Variants in SIPA1L3 observed in about 807,000 individuals in gnomAD.
The protein encoded by SIPA1L3 is signal-induced proliferation-associated 1-like protein 3.
A neutral mutation model predicts 150.1 loss-of-function variants in SIPA1L3; 59 were observed. The observed-to-expected ratio is 0.39, with a 90% CI of 0.32 to 0.49. SIPA1L3 has a LOEUF of 0.49. Among genes scored for constraint, SIPA1L3 ranks in the 20% least tolerant of loss-of-function variants. The probability of loss-of-function intolerance (pLI) is 0.86; values close to 1 mark genes in which losing one functional copy is unlikely to be tolerated. For missense variants in SIPA1L3, 2,211 were observed against 2,489.5 expected, an observed-to-expected ratio of 0.89 and a Z score of 2.38; for synonymous variants, 1,070 against 1,077.6, an observed-to-expected ratio of 0.99 and a Z score of 0.14.
At chr19:37,985,199 T>G (rs1967315975) in intron 1 of SIPA1L3, among the ~76,000 whole-genome samples, 2 of 134,594 alleles carry the variant, frequency 1.5e-5, no homozygotes, top group Admixed American at 1.5e-4. Flanking sequence ...TGTTTTTTTC[T>G]TTTTTTTTTT....
Position 38,141,407 on chromosome 19 carries a change from C to T in SIPA1L3, c.3367C>T (p.Arg1123Trp), listed in dbSNP as rs375683217. 1.7e-5 allele frequency: 28 copies of T among 1,611,642 alleles called. No individual in the cohort carries two copies. Among genetic ancestry groups the T allele is most frequent in the Middle Eastern group, 1.6e-4 (1 of 6,080 alleles). Residue 1123 changes from arginine to tryptophan, a missense_variant, in exon 11 of 22, where the codon CGG (arginine) becomes TGG (tryptophan). Coordinates refer to ENST00000222345, the MANE Select transcript of SIPA1L3 (RefSeq NM_015073.3). ...PLKQTPIVPF[R>W]ESQPLHSKRP... ...GAAGCAGACCCCCATAGTCCCCTTC[C>T]GGGAGTCCCAGCCACTGCACAGCAA...
chr19:38,100,199 A>G (rs764148288), intron 5 of SIPA1L3, 49 bp downstream of exon 5: 1 of 1,362,744 alleles, frequency 7.3e-7, no homozygotes. Context: ...GTACCTTGCA[A>G]CCCCACTCCT....
intron 1 of SIPA1L3, among the ~76,000 whole-genome samples, chr19:38,022,034 G>A (rs1968382929): frequency 6.6e-6 from 1 of 152,240 alleles, no homozygotes; most frequent in Non-Finnish European, 1.5e-5. Context: ...GAAGGAGACA[G>A]AGTTCAAGGC....
intron 10 of SIPA1L3, among the ~76,000 whole-genome samples, chr19:38,137,929 G>C (rs1568570420): frequency 6.6e-6 from 1 of 152,026 alleles, no homozygotes; most frequent in Non-Finnish European, 1.5e-5. Context: ...TCAGGAGTTT[G>C]AGACCAGCCT....
chr19:38,082,715 CT>C lies in SIPA1L3; in HGVS notation c.1151del (p.Leu384ProfsTer22). The C allele has an allele frequency of 1.2e-6, 2 of 1,611,346 alleles. No homozygotes were observed. The highest frequency in any genetic ancestry group is 1.7e-6 in the Non-Finnish European group (2 of 1,179,204). ...AASAASAMAS[L>X]TASRAHSLGG... ...TTCCGCCGCCTCGGCCATGGCCTCCCTCACGGCCTCGCGGGCCCACAGCCTC... is the reference window on the plus strand; with the variant it reads ...TTCCGCCGCCTCGGCCATGGCCTCCCCACGGCCTCGCGGGCCCACAGCCTC... On this transcript the variant is annotated frameshift_variant, in exon 3 of 22. Coordinates refer to ENST00000222345, the MANE Select transcript of SIPA1L3 (RefSeq NM_015073.3). LOFTEE classifies it high-confidence loss of function.
At chr19:38,131,340 C>T (rs1470411354) in intron 10 of SIPA1L3, among the ~76,000 whole-genome samples, 5 of 152,188 alleles carry the variant, frequency 3.3e-5, no homozygotes, top group Non-Finnish European at 7.3e-5. Context: ...GAAGGCTCCA[C>T]GAGGCTCCAC....
chr19:38,084,915 C>T (rs1036462443), intron 3 of SIPA1L3, among the ~76,000 whole-genome samples: 1 of 152,072 alleles, frequency 6.6e-6, no homozygotes, highest in Non-Finnish European at 1.5e-5. Flanking sequence ...GTTGGGATTA[C>T]AGGCGTGAGC....
chr19:38,187,585 C>T (rs1229346123), intron 16 of SIPA1L3, among the ~76,000 whole-genome samples: 2 of 151,040 alleles, frequency 1.3e-5, no homozygotes, highest in African/African-American at 2.4e-5. Context: ...GGCGAGGTGG[C>T]GGGCGCCTGT....
chr19:38,124,421 G>A (rs1176169143), intron 9 of SIPA1L3, among the ~76,000 whole-genome samples: 273 of 151,036 alleles, frequency 1.8e-3, no homozygotes, highest in Non-Finnish European at 3.2e-3. Context: ...GGGCAGAGAC[G>A]TTCCTCACTT....
At chr19:38,061,882 T>G (rs771308023) in intron 2 of SIPA1L3, among the ~76,000 whole-genome samples, 27 of 143,404 alleles carry the variant, frequency 1.9e-4, no homozygotes, top group Admixed American at 1.3e-3. Context: ...TTGAGTTTTG[T>G]TTTTTTTTTT....
At chr19:38,191,949 C>T (rs1972813740) in intron 16 of SIPA1L3, among the ~76,000 whole-genome samples, 196 bp from the exon 17 acceptor site, 1 of 152,194 alleles carries the variant, frequency 6.6e-6, no homozygotes, top group African/African-American at 2.4e-5. Flanking sequence ...GCACAGCCAG[C>T]TCTGTGTGGT....
chr19:38,165,821 G>C (rs1370795715), intron 15 of SIPA1L3, among the ~76,000 whole-genome samples: 1 of 152,194 alleles, frequency 6.6e-6, no homozygotes, highest in Non-Finnish European at 1.5e-5. Flanking sequence ...GAGTGCAGTG[G>C]TGCGGTCTCA....
At chr19:38,090,751 G>A (rs1374295522) in intron 4 of SIPA1L3, among the ~76,000 whole-genome samples, 1 of 152,218 alleles carries the variant, frequency 6.6e-6, no homozygotes, top group Non-Finnish European at 1.5e-5. Flanking sequence ...GGCTGCCAAG[G>A]ACTTGACTGT....
chr19:38,127,648 G>A (rs1179255377), intron 9 of SIPA1L3, among the ~76,000 whole-genome samples: 4 of 151,972 alleles, frequency 2.6e-5, no homozygotes, highest in African/African-American at 9.7e-5. Context: ...ATGCCACCAT[G>A]CTCAGCTAAT....
At chr19:38,056,169 A>G (rs1969309551) in intron 2 of SIPA1L3, among the ~76,000 whole-genome samples, 1 of 152,228 alleles carries the variant, frequency 6.6e-6, no homozygotes, top group Admixed American at 6.5e-5. Flanking sequence ...AGGAGCAGTC[A>G]GATCTTCCCC....
chr19:38,113,454 C>G (rs889617760), intron 8 of SIPA1L3, among the ~76,000 whole-genome samples: 1 of 151,880 alleles, frequency 6.6e-6, no homozygotes, highest in Non-Finnish European at 1.5e-5. Context: ...ATAGGGAGAC[C>G]CTATCTCTAA....
chr19:38,110,320 C>A lies in SIPA1L3; in HGVS notation c.2227C>A (p.His743Asn). 6.2e-7 allele frequency: 1 copy of A among 1,614,184 alleles called. No individual in the cohort carries two copies. Among genetic ancestry groups the A allele is most frequent in the Non-Finnish European group, 8.5e-7 (1 of 1,180,020 alleles). Residue 743 changes from histidine to asparagine, a missense_variant, in exon 8 of 22, where the codon CAC becomes AAC. His to Asn is a moderately conservative substitution (Grantham distance 68). Transcript: ENST00000222345. ...LPFTPKNIRS[H>N]FQHVFIIVRV... ...GTTCACCCCCAAGAACATCCGCTCC[C>A]ACTTCCAGCACGTCTTCATCATTGT...
chr19:37,951,820 C>T (rs1245828050), intron 1 of SIPA1L3, among the ~76,000 whole-genome samples: 1 of 146,904 alleles, frequency 6.8e-6, no homozygotes, highest in African/African-American at 2.5e-5. Context: ...TCACTTGAAC[C>T]CAGGAGGCGG....
chr19:38,157,823 C>T (rs1600147753), intron 13 of SIPA1L3, among the ~76,000 whole-genome samples: 1 of 152,252 alleles, frequency 6.6e-6, no homozygotes, highest in South Asian at 2.1e-4. Flanking sequence ...GGCTGGGCGC[C>T]AGGGATACCG....
Sources: gnomAD v4.1 joint callset for allele counts (sites outside exome capture counted in the v4.1 genomes callset) on GRCh38, gnomAD v4.1.1 for gene constraint, MANE v1.5 for transcripts, NCBI Gene and HGNC (gene_info 2026-07-23, HGNC 2026-07-21) for gene names.